Variants in LRRC37A2 observed in about 807,000 individuals in gnomAD.
The protein encoded by LRRC37A2 is leucine rich repeat containing 37 member A2.
LRRC37A2 carries 9 observed loss-of-function variants against 68.8 expected under a neutral mutation model. The observed-to-expected ratio is 0.13, with a 90% CI of 0.08 to 0.23. The LOEUF is 0.23. LRRC37A2 is among the 10% of genes least tolerant of loss of function. The pLI is 1.00. For missense variants in LRRC37A2, 168 were observed against 950.4 expected, an observed-to-expected ratio of 0.18 and a Z score of 10.82; for synonymous variants, 63 against 367.6, an observed-to-expected ratio of 0.17 and a Z score of 9.48.
At chr17:46,971,866 A>T in the LRRC37A2 span, among the ~76,000 whole-genome samples, 3 of 152,190 alleles carry the variant, frequency 2.0e-5, no homozygotes, top group South Asian at 6.2e-4. Flanking sequence ...GTTCTGGGCC[A>T]CACCTGTTGG....
At chr17:46,746,476 G>C in the LRRC37A2 span, among the ~76,000 whole-genome samples, 1 of 152,014 alleles carries the variant, frequency 6.6e-6, no homozygotes. Flanking sequence ...AAATTATTTT[G>C]GTTTCTTAAA....
the LRRC37A2 span, among the ~76,000 whole-genome samples, chr17:46,788,646 G>A: frequency 6.6e-6 from 1 of 152,202 alleles, no homozygotes; most frequent in Non-Finnish European, 1.5e-5. Context: ...ATTGTCCACC[G>A]ACTCCATTGA....
chr17:46,952,135 G>A, the LRRC37A2 span, among the ~76,000 whole-genome samples: 1 of 152,186 alleles, frequency 6.6e-6, no homozygotes, highest in African/African-American at 2.4e-5. Flanking sequence ...GTGGGTGGAT[G>A]TCATTTATCT....
At chr17:46,724,544 C>T in the LRRC37A2 span, among the ~76,000 whole-genome samples, 1 of 152,254 alleles carries the variant, frequency 6.6e-6, no homozygotes, top group South Asian at 2.1e-4. Flanking sequence ...AAGCAAGCCC[C>T]ATAGTTATGC....
the LRRC37A2 span, among the ~76,000 whole-genome samples, chr17:46,912,901 A>G: frequency 6.6e-6 from 1 of 152,184 alleles, no homozygotes; most frequent in Non-Finnish European, 1.5e-5. Flanking sequence ...GGTTTATGAC[A>G]GCAGCCTGGT....
chr17:46,603,659 TCTGA>T, the LRRC37A2 span, among the ~76,000 whole-genome samples: 23 of 55,752 alleles, frequency 4.1e-4, no homozygotes, highest in African/African-American at 9.4e-4. Flanking sequence ...AATTAGGTAC[TCTGA>T]CTGACCTTCC....
the LRRC37A2 span, among the ~76,000 whole-genome samples, chr17:46,824,866 C>G: frequency 1.3e-5 from 2 of 152,232 alleles, no homozygotes; most frequent in Non-Finnish European, 2.9e-5. Flanking sequence ...CTACCCTGCT[C>G]TGTCGCTTGG....
the LRRC37A2 span, among the ~76,000 whole-genome samples, chr17:46,823,543 G>C: frequency 3.3e-5 from 5 of 151,930 alleles, no homozygotes; most frequent in Admixed American, 2.6e-4. Flanking sequence ...ATATTCAAGT[G>C]GTTCTCCTGC....
chr17:46,839,928 CTTT>C, the LRRC37A2 span, among the ~76,000 whole-genome samples: 1 of 125,750 alleles, frequency 8.0e-6, no homozygotes, highest in African/African-American at 3.0e-5. Flanking sequence ...TTCTTTCTTT[CTTT>C]CTTTCTTTCT....
chr17:46,761,283 G>A, the LRRC37A2 span, among the ~76,000 whole-genome samples: 17 of 151,590 alleles, frequency 1.1e-4, no homozygotes, highest in Admixed American at 1.1e-3. Context: ...AGAGCAGCCC[G>A]CCTCCACCAT....
At chr17:46,857,736 A>C in the LRRC37A2 span, among the ~76,000 whole-genome samples, 3 of 152,192 alleles carry the variant, frequency 2.0e-5, no homozygotes, top group Non-Finnish European at 2.9e-5. Context: ...ATGGTCAGCT[A>C]TCATCAGTTT....
the LRRC37A2 span, among the ~76,000 whole-genome samples, chr17:46,810,711 G>T: frequency 6.6e-6 from 1 of 152,010 alleles, no homozygotes; most frequent in African/African-American, 2.4e-5. Context: ...ACCAGGCACA[G>T]ATGGTCCAAA....
the LRRC37A2 span, chr17:46,936,661 G>A: frequency 4.1e-6 from 4 of 984,446 alleles, no homozygotes; most frequent in Admixed American, 6.2e-5. Context: ...TGAAATTTAT[G>A]GTCATTTTCA....
chr17:46,488,619 C>T, the LRRC37A2 span, among the ~76,000 whole-genome samples: 3 of 114,420 alleles, frequency 2.6e-5, no homozygotes, highest in South Asian at 3.4e-4. Context: ...GCAGGAGAAT[C>T]GCTTGAACCC....
At chr17:46,876,259 C>T in the LRRC37A2 span, 1 of 1,610,478 alleles carries the variant, frequency 6.2e-7, no homozygotes, top group East Asian at 2.2e-5. Context: ...TGAAGAGTGG[C>T]CTCAGGACCA....
At chr17:46,890,341 T>A in the LRRC37A2 span, among the ~76,000 whole-genome samples, 1 of 152,184 alleles carries the variant, frequency 6.6e-6, no homozygotes, top group Non-Finnish European at 1.5e-5. Flanking sequence ...TTCGGGTCTG[T>A]GAGTCCCCTG....
the LRRC37A2 span, among the ~76,000 whole-genome samples, chr17:46,849,859 TTG>T: frequency 4.0e-5 from 6 of 151,642 alleles, no homozygotes; most frequent in Admixed American, 6.6e-5. Context: ...CTTTTTTTTT[TTG>T]TTTTGAGATG....
At chr17:46,558,017 C>A (rs1313974697), downstream of LRRC37A2, among the ~76,000 whole-genome samples, 6 of 137,252 alleles carry the variant, frequency 4.4e-5, no homozygotes, top group Non-Finnish European at 9.4e-5. Flanking sequence ...TTGAAAAAGG[C>A]TGCCAGAGAA....
At chr17:46,806,004 A>G in the LRRC37A2 span, among the ~76,000 whole-genome samples, 49 of 152,142 alleles carry the variant, frequency 3.2e-4, no homozygotes, top group Non-Finnish European at 8.8e-5. Flanking sequence ...TGGGGATAAC[A>G]AGAGTCTCTG....
Sources: gnomAD v4.1 joint callset for allele counts (sites outside exome capture counted in the v4.1 genomes callset) on GRCh38, gnomAD v4.1.1 for gene constraint, MANE v1.5 for transcripts, NCBI Gene and HGNC (gene_info 2026-07-23, HGNC 2026-07-21) for gene names.